Variants in S100A13 observed in about 807,000 individuals in gnomAD.
The protein encoded by S100A13 is S100 calcium binding protein A13.
Under a neutral mutation model 8.2 loss-of-function variants are expected in S100A13, and 6 were observed. That is an observed-to-expected ratio of 0.73 (90% confidence interval 0.40 to 1.44). The LOEUF is 1.44. Ranked by LOEUF, S100A13 falls within the 40% of genes most tolerant of loss-of-function variation. S100A13 has a pLI of 0.02. For synonymous variants in S100A13, 39 were observed against 45.9 expected, an observed-to-expected ratio of 0.85 and a Z score of 0.61; for missense variants, 114 against 113.6, an observed-to-expected ratio of 1.00 and a Z score of -0.02.
chr1:153,624,878 C>G (rs946534457), intron 2 of S100A13, among the ~76,000 whole-genome samples: 2 of 152,162 alleles, frequency 1.3e-5, no homozygotes, highest in African/African-American at 2.4e-5. Context: ...AGTTCGAAAC[C>G]AGCCTGGCCA....
At chr1:153,628,195 G>A, upstream of S100A13, 1 of 1,550,060 alleles carries the variant, frequency 6.5e-7, no homozygotes, top group South Asian at 1.2e-5. Context: ...GTCCCTCCCA[G>A]GACCTCCTTC....
chr1:153,631,863 C>A, upstream of S100A13: 1 of 1,609,846 alleles, frequency 6.2e-7, no homozygotes, highest in Non-Finnish European at 8.5e-7. Context: ...CATTGGGCAG[C>A]GCCCTTCCTC....
At position 153,618,997 on chromosome 1, in the gene S100A13, C is replaced by A; in HGVS notation, c.195G>T (p.Val65=). 1 of 1,613,948 alleles carries A rather than the reference C, an allele frequency of 6.2e-7. No individual in the cohort carries two copies. Among genetic ancestry groups the A allele is most frequent in the Non-Finnish European group, 8.5e-7 (1 of 1,179,880 alleles). The change falls in exon 3 of 3, where the codon GTG becomes GTT. Residue 65 remains valine (V), a synonymous_variant. Coordinates refer to ENST00000476133, the MANE Select transcript of S100A13 (RefSeq NM_001024211.2). ...SLDEKMKSLD[V]NQDSELKFNE... ...TGAACTTGAGCTCCGAGTCCTGATT[C>A]ACATCCAAGCTCTTCATCTTCTCAT... is the stretch of plus-strand genomic sequence containing the variant.
chr1:153,622,308 T>C (rs1445439207), intron 2 of S100A13, among the ~76,000 whole-genome samples: 1 of 151,998 alleles, frequency 6.6e-6, no homozygotes, highest in Admixed American at 6.6e-5. Flanking sequence ...GAGGCAGAGG[T>C]TGCAGTGACC....
chr1:153,626,824 G>C (rs571105694), intron 1 of S100A13: 36 of 185,652 alleles, frequency 1.9e-4, no homozygotes, highest in Non-Finnish European at 3.4e-4. Context: ...GTGATCCCTC[G>C]ATCTGGAGAC....
At chr1:153,625,638 C>T (rs770352557) in intron 2 of S100A13, among the ~76,000 whole-genome samples, 12 of 152,222 alleles carry the variant, frequency 7.9e-5, no homozygotes, top group South Asian at 2.1e-4. Context: ...GTGAGGAATG[C>T]GGACTGTGTT....
upstream of S100A13, chr1:153,633,856 G>T (rs894215865): frequency 1.3e-5 from 2 of 152,280 alleles, no homozygotes; most frequent in Admixed American, 6.5e-5. Flanking sequence ...ACTGGAACGT[G>T]AAGTCCCCGG....
upstream of S100A13, chr1:153,632,227 C>CATCAGCTT (rs1474397546): frequency 6.1e-6 from 1 of 163,942 alleles, no homozygotes; most frequent in Non-Finnish European, 1.3e-5. Context: ...GTCGAGGAGA[C>CATCAGCTT]ATCAGCTTCT....
chr1:153,628,334 C>G (rs1379017502), upstream of S100A13: 1 of 1,527,578 alleles, frequency 6.5e-7, no homozygotes, highest in South Asian at 1.3e-5. Flanking sequence ...TGCTCCTGGC[C>G]CCTTGCCCCA....
In S100A13 at chr1:153,620,771, T is replaced by C. The variant is rs1038817326; in HGVS notation, c.154-1733A>G. Among the ~76,000 whole-genome samples, 10 of 152,100 alleles carry C rather than the reference T, an allele frequency of 6.6e-5. No individual in the cohort carries two copies. In the South Asian group the frequency reaches 8.3e-4, roughly 13 times the overall value. ...TATGCAAGTACTATCTGATTTTATA[T>C]AAGGGATTTGAGGCCAGGCATGGTG... On this transcript the variant is annotated intron_variant, in intron 2 of 2. Coordinates refer to ENST00000476133, the MANE Select transcript of S100A13 (RefSeq NM_001024211.2).
At chr1:153,630,687 A>C, upstream of S100A13, 3 of 1,612,020 alleles carry the variant, frequency 1.9e-6, no homozygotes, top group Non-Finnish European at 2.5e-6. Context: ...GTGGAGTGGG[A>C]GTGGAGTGGG....
intron 2 of S100A13, among the ~76,000 whole-genome samples, chr1:153,624,928 A>T (rs1667511069): frequency 6.6e-6 from 1 of 152,118 alleles, no homozygotes; most frequent in Admixed American, 6.6e-5. Context: ...TACAAAAATT[A>T]TCCAGGCATG....
upstream of S100A13, chr1:153,632,320 G>A (rs1323830422): frequency 3.1e-5 from 4 of 127,600 alleles, no homozygotes; most frequent in African/African-American, 1.2e-4. Context: ...CACCCAGGCT[G>A]GAGGGCAGTG....
At chr1:153,626,247 G>A in intron 2 of S100A13, 73 bp downstream of exon 2, 10 of 1,384,536 alleles carry the variant, frequency 7.2e-6, no homozygotes, top group Non-Finnish European at 1.0e-5. Flanking sequence ...ACCGTACTCG[G>A]CACCATCACG....
At chr1:153,630,391 C>G (rs1210957762), upstream of S100A13, 45 of 1,277,568 alleles carry the variant, frequency 3.5e-5, no homozygotes, top group Non-Finnish European at 4.7e-5. Flanking sequence ...TGCAGTAGGG[C>G]TCTAATCCCA....
At chr1:153,625,484 G>A (rs1667557912) in intron 2 of S100A13, among the ~76,000 whole-genome samples, 1 of 152,214 alleles carries the variant, frequency 6.6e-6, no homozygotes, top group Non-Finnish European at 1.5e-5. Context: ...CCCTAGTAAG[G>A]GGATGCCCAT....
intron 2 of S100A13, among the ~76,000 whole-genome samples, chr1:153,625,659 C>T (rs1001829229): frequency 2.6e-5 from 4 of 152,200 alleles, no homozygotes; most frequent in Non-Finnish European, 4.4e-5. Flanking sequence ...TTCTCTTGGC[C>T]TCCTTCCAGC....
At chr1:153,630,710 G>A (rs1356427785), upstream of S100A13, 8 of 1,600,882 alleles carry the variant, frequency 5.0e-6, no homozygotes, top group South Asian at 1.1e-5. Context: ...AAGGTTGGGG[G>A]AATGGGGTGG....
At chr1:153,621,055 G>T (rs1221693416) in intron 2 of S100A13, among the ~76,000 whole-genome samples, 5 of 151,552 alleles carry the variant, frequency 3.3e-5, no homozygotes, top group Non-Finnish European at 7.4e-5. Flanking sequence ...ATAGAAAATG[G>T]AATAAACATA....
Sources: allele counts gnomAD v4.1 joint callset (sites outside exome capture counted in the v4.1 genomes callset), GRCh38; gene constraint gnomAD v4.1.1; transcripts MANE v1.5; gene names NCBI Gene and HGNC (gene_info 2026-07-23, HGNC 2026-07-21).